Variants in KCNA3 observed in about 807,000 individuals in gnomAD.
KCNA3 encodes RP11-284N8.3.
A neutral mutation model predicts 34.3 loss-of-function variants in KCNA3; 18 were observed. The ratio of observed to expected loss-of-function variants is 0.52; its 90% CI spans 0.36 to 0.78. The LOEUF (loss-of-function observed/expected upper bound fraction) is 0.78, where lower values mean the gene tolerates loss of function less well. Ranked by LOEUF, KCNA3 falls within the 30% of genes least tolerant of loss-of-function variation. The pLI is 0.00. For synonymous variants in KCNA3, 324 were observed against 351.7 expected (o/e 0.92, Z 0.88); for missense variants, 587 against 802.5 (o/e 0.73, Z 3.24).
the KCNA3 span, among the ~76,000 whole-genome samples, chr1:110,666,906 G>GA: frequency 2.0e-5 from 3 of 151,678 alleles, no homozygotes; most frequent in Non-Finnish European, 4.4e-5. Flanking sequence ...AGTAAGGCTG[G>GA]AAAAAAAGAA....
the KCNA3 span, among the ~76,000 whole-genome samples, chr1:110,664,712 T>C: frequency 2.0e-5 from 3 of 152,146 alleles, no homozygotes; most frequent in Non-Finnish European, 4.4e-5. Flanking sequence ...CAAAACTCCT[T>C]GTCCTCATGG....
At chr1:110,670,986 T>G (rs1026824617), downstream of KCNA3, among the ~76,000 whole-genome samples, 2 of 152,252 alleles carry the variant, frequency 1.3e-5, no homozygotes, top group African/African-American at 4.8e-5. Flanking sequence ...AGATAATGTA[T>G]AATTTATATA....
downstream of KCNA3, among the ~76,000 whole-genome samples, chr1:110,670,334 C>G (rs1378119873): frequency 6.6e-6 from 1 of 152,148 alleles, no homozygotes; most frequent in Non-Finnish European, 1.5e-5. Flanking sequence ...CATATTACCT[C>G]AAAGTTATGA....
At chr1:110,657,238 G>T in the KCNA3 span, among the ~76,000 whole-genome samples, 3 of 151,876 alleles carry the variant, frequency 2.0e-5, no homozygotes, top group Non-Finnish European at 4.4e-5. Context: ...GTGGAGTTGG[G>T]GTTTCACTAT....
In KCNA3 at chr1:110,674,818, G is replaced by A; in HGVS notation, c.-9C>T. 3.8e-6 allele frequency: 5 copies of A among 1,305,564 alleles called. No homozygotes were observed. The highest frequency in any genetic ancestry group is 3.9e-6 in the Non-Finnish European group (4 of 1,031,886). 80.9% of individuals were successfully genotyped at this position (1,305,564 alleles called of 1,614,324 possible). A position where few individuals can be genotyped will look rare whatever the true frequency, so the allele number is the denominator to read the frequency against. ...CTGAGGCGCTCGTCCATGCGGCGGG[G>A]AAGAGGCGGCAGCGGTGAGGCCAGG... is the stretch of plus-strand genomic sequence containing the variant. On this transcript the variant is annotated 5_prime_UTR_variant, in exon 1 of 1. Transcript: ENST00000369769. This position sits in a 1 kb window ranked among gnomAD's most constrained non-coding sequence, Gnocchi z 6.4.
the KCNA3 span, among the ~76,000 whole-genome samples, chr1:110,661,813 T>A: frequency 6.6e-6 from 1 of 151,848 alleles, no homozygotes; most frequent in Admixed American, 6.6e-5. Context: ...ATCAGGATAA[T>A]CATCATAATG....
In KCNA3 at chr1:110,674,383, G is replaced by A; in HGVS notation, c.427C>T (p.Leu143Phe). 1.9e-6 allele frequency: 3 copies of A among 1,614,180 alleles called. No individual in the cohort carries two copies. Among genetic ancestry groups the A allele is most frequent in the Non-Finnish European group, 2.5e-6 (3 of 1,180,016 alleles). ...PKRRMRYFDPLRNEYFFDRNR... is the reference protein window; with the variant it reads ...PKRRMRYFDPFRNEYFFDRNR... ...CGGTCGAAGAAGTACTCGTTGCGGA[G>A]CGGGTCGAAGTACCTCATGCGCCGC... Residue 143 changes from leucine (L) to phenylalanine (F), a missense_variant, in exon 1 of 1, where the codon CTC (leucine) becomes TTC (phenylalanine). Around this residue, in one of 7 missense-constraint regions of KCNA3, gnomAD observed 341 missense variants for 355.4 expected, o/e 0.96. Coordinates refer to ENST00000369769, the MANE Select transcript of KCNA3 (RefSeq NM_002232.5). The surrounding 1 kb of genome is among the most constrained non-coding windows in gnomAD (Gnocchi z 6.4).
chr1:110,657,998 C>T, the KCNA3 span, among the ~76,000 whole-genome samples: 4 of 152,216 alleles, frequency 2.6e-5, no homozygotes, highest in Non-Finnish European at 4.4e-5. Context: ...AATCACAAAT[C>T]ATCTTGACTA....
chr1:110,660,054 G>A, the KCNA3 span, among the ~76,000 whole-genome samples: 2 of 151,912 alleles, frequency 1.3e-5, no homozygotes, highest in African/African-American at 4.8e-5. Flanking sequence ...TGCATGTTGT[G>A]CACATGTAAC....
At chr1:110,665,102 C>A in the KCNA3 span, among the ~76,000 whole-genome samples, 3 of 152,272 alleles carry the variant, frequency 2.0e-5, no homozygotes, top group East Asian at 5.8e-4. Context: ...TGTAAAAAAG[C>A]CTTTAGTTAG....
At chr1:110,660,822 A>G in the KCNA3 span, among the ~76,000 whole-genome samples, 1 of 152,222 alleles carries the variant, frequency 6.6e-6, no homozygotes, top group African/African-American at 2.4e-5. Flanking sequence ...AAGCAATACA[A>G]TAGACTTATT....
chr1:110,659,812 A>T, the KCNA3 span, among the ~76,000 whole-genome samples: 1 of 151,748 alleles, frequency 6.6e-6, no homozygotes, highest in Non-Finnish European at 1.5e-5. Context: ...GGAAACCATC[A>T]TTCTCGGCAA....
At chr1:110,669,282 T>C (rs1651800064), downstream of KCNA3, among the ~76,000 whole-genome samples, 1 of 152,156 alleles carries the variant, frequency 6.6e-6, no homozygotes, top group Non-Finnish European at 1.5e-5. Context: ...TTAAAACACA[T>C]GAAAACAGAA....
At chr1:110,662,112 C>CAAAAAAA in the KCNA3 span, among the ~76,000 whole-genome samples, 1 of 61,720 alleles carries the variant, frequency 1.6e-5, no homozygotes, top group Non-Finnish European at 2.8e-5. Context: ...GACTCCGTCT[C>CAAAAAAA]AAAAAAAAAA....
the KCNA3 span, among the ~76,000 whole-genome samples, chr1:110,660,246 TTA>T: frequency 6.6e-6 from 1 of 152,216 alleles, no homozygotes; most frequent in Non-Finnish European, 1.5e-5. Flanking sequence ...TATGCTGAAA[TTA>T]TAGACATTTT....
At chr1:110,667,087 T>C in the KCNA3 span, among the ~76,000 whole-genome samples, 3 of 151,982 alleles carry the variant, frequency 2.0e-5, no homozygotes, top group East Asian at 5.8e-4. Flanking sequence ...GTGTGTGTAA[T>C]AAATTGTCCC....
rs1156716126 is a variant in KCNA3, at chr1:110,672,992, G to A, written c.*90C>T. 1.6e-6 allele frequency: 2 copies of A among 1,240,374 alleles called. No homozygotes were observed. Among genetic ancestry groups the A allele is most frequent in the Non-Finnish European group, 2.3e-6 (2 of 884,586 alleles). The allele number at this position is 1,240,374 out of a possible 1,614,324, so 76.8% of individuals were successfully genotyped here. On this transcript the variant is annotated 3_prime_UTR_variant, in exon 1 of 1. Coordinates refer to ENST00000369769, the MANE Select transcript of KCNA3 (RefSeq NM_002232.5). ...TCTTCAGGTCCTTTCCTTGATGAAT[G>A]GTCTGGAAATGTATAAAACAAGGGC...
downstream of KCNA3, among the ~76,000 whole-genome samples, chr1:110,669,972 A>AT (rs1192483562): frequency 6.6e-6 from 1 of 152,104 alleles, no homozygotes; most frequent in Non-Finnish European, 1.5e-5. Flanking sequence ...TCATGGAATT[A>AT]TTTTTTCTAA....
At chr1:110,659,028 G>T in the KCNA3 span, among the ~76,000 whole-genome samples, 12 of 152,204 alleles carry the variant, frequency 7.9e-5, no homozygotes, top group East Asian at 2.1e-3. Flanking sequence ...GCACAGTGTA[G>T]ACTTCACTTA....
Sources: gnomAD v4.1 joint callset for allele counts (sites outside exome capture counted in the v4.1 genomes callset) on GRCh38, gnomAD v4.1.1 for gene constraint, gnomAD v4.1.1 regional missense constraint, Gnocchi (gnomAD v3.1) non-coding constraint, MANE v1.5 for transcripts, NCBI Gene and HGNC (gene_info 2026-07-23, HGNC 2026-07-21) for gene names.